Variants in ITPKB observed in about 807,000 individuals in gnomAD.
The protein encoded by ITPKB is inositol-trisphosphate 3-kinase B.
Under a neutral mutation model 69.4 loss-of-function variants are expected in ITPKB, and 13 were observed. The ratio of observed to expected loss-of-function variants is 0.19; its 90% CI spans 0.12 to 0.30. The LOEUF (loss-of-function observed/expected upper bound fraction) is 0.30. Among genes scored for constraint, ITPKB ranks in the 10% least tolerant of loss-of-function variants. The probability of loss-of-function intolerance (pLI) is 1.00; values close to 1 mark genes in which losing one functional copy is unlikely to be tolerated. For synonymous variants in ITPKB, 584 were observed against 513.7 expected (o/e 1.14, Z -1.85); for missense variants, 1,240 against 1,250.5 (o/e 0.99, Z 0.13).
At chr1:226,722,078 G>A (rs1165322026) in intron 2 of ITPKB, among the ~76,000 whole-genome samples, 2 of 152,150 alleles carry the variant, frequency 1.3e-5, no homozygotes, top group African/African-American at 4.8e-5. Context: ...CTCTCAAAGT[G>A]CTGGGGTTAT....
chr1:226,641,795 C>A lies in ITPKB; in HGVS notation c.2451+126G>T. On this transcript the variant is annotated intron_variant, in intron 5 of 7. Transcript: ENST00000429204. The surrounding 1 kb of genome is among the most constrained non-coding windows in gnomAD (Gnocchi z 4.6). Reference sequence around the variant, plus strand: ...TGTCTCCAAATGTCTGGCCTTGGGGCGGGCCACCCACATTCTGAGCCTGTG... The same window carrying A: ...TGTCTCCAAATGTCTGGCCTTGGGGAGGGCCACCCACATTCTGAGCCTGTG... 1.2e-6 allele frequency: 1 copy of A among 857,718 alleles called. No homozygotes were observed. The allele number at this position is 857,718 out of a possible 1,614,324, so 53.1% of individuals were successfully genotyped here.
At chr1:226,693,873 T>C (rs1273303877) in intron 2 of ITPKB, among the ~76,000 whole-genome samples, 9 of 152,244 alleles carry the variant, frequency 5.9e-5, no homozygotes, top group Admixed American at 5.9e-4. Context: ...AAATGATCCA[T>C]GCGGCCCTAC....
rs1173910110 is a variant in ITPKB, at chr1:226,677,804, C to T, written c.1933-29033G>A. Reference sequence around the variant, plus strand: ...GAAAGAGCACCCATTACATACATCACAGGGCGTTCGCCTCCTGTTATAGGC... The same window carrying T: ...GAAAGAGCACCCATTACATACATCATAGGGCGTTCGCCTCCTGTTATAGGC... On this transcript the variant is annotated intron_variant, in intron 2 of 7. Coordinates refer to ENST00000429204, the MANE Select transcript of ITPKB (RefSeq NM_002221.4). 2.0e-5 allele frequency among the ~76,000 whole-genome samples: 3 copies of T among 152,214 alleles called. No homozygotes were observed. In the East Asian group the frequency reaches 5.8e-4, roughly 29 times the overall value.
Position 226,634,834 on chromosome 1 carries a change from A to G in ITPKB, c.2678T>C (p.Val893Ala). ...FIHDKKEQAK[V>A]WMIDFGKTTP... Reference sequence around the variant, plus strand: ...GGTTTTCCCAAAGTCGATCATCCACACTTTGGCCTGTTCCTTCTTGTCGTG... The same window carrying G: ...GGTTTTCCCAAAGTCGATCATCCACGCTTTGGCCTGTTCCTTCTTGTCGTG... Residue 893 changes from valine (V) to alanine (A), a missense_variant, in exon 8 of 8, where the codon GTG becomes GCG. Coordinates refer to ENST00000429204, the MANE Select transcript of ITPKB (RefSeq NM_002221.4). The surrounding 1 kb of genome is among the most constrained non-coding windows in gnomAD (Gnocchi z 6.3). 6.2e-7 allele frequency: 1 copy of G among 1,613,936 alleles called. No homozygotes were observed. The highest frequency in any genetic ancestry group is 8.5e-7 in the Non-Finnish European group (1 of 1,179,850).
chr1:226,640,517 C>T (rs1668936526), intron 5 of ITPKB, among the ~76,000 whole-genome samples: 2 of 152,164 alleles, frequency 1.3e-5, no homozygotes, highest in Admixed American at 6.5e-5. Context: ...AGCCTCTTAG[C>T]TAAGGGCGGG....
At chr1:226,735,388 A>G in intron 2 of ITPKB, 139 bp downstream of exon 2, 1 of 948,002 alleles carries the variant, frequency 1.1e-6, no homozygotes, top group Non-Finnish European at 1.5e-6. Context: ...CCTGGACAGA[A>G]TTATTCACTG....
chr1:226,643,343 G>A (rs1465487441), intron 4 of ITPKB, among the ~76,000 whole-genome samples: 4 of 152,152 alleles, frequency 2.6e-5, no homozygotes, highest in Non-Finnish European at 5.9e-5. Context: ...TCCTTTTAGA[G>A]CCCCAGTCTC....
At chr1:226,648,602 T>C (rs1032762672) in intron 3 of ITPKB, 70 bp downstream of exon 3, 1 of 918,518 alleles carries the variant, frequency 1.1e-6, no homozygotes, top group African/African-American at 1.6e-5. Flanking sequence ...ATCCCCAGAA[T>C]GCAGCGTCCA....
chr1:226,720,509 C>G (rs1657209428), intron 2 of ITPKB, among the ~76,000 whole-genome samples: 1 of 152,194 alleles, frequency 6.6e-6, no homozygotes, highest in Non-Finnish European at 1.5e-5. Flanking sequence ...GGGCTTGGGA[C>G]TAACAATTTA....
chr1:226,683,677 C>G (rs1198956617), intron 2 of ITPKB, among the ~76,000 whole-genome samples: 1 of 152,108 alleles, frequency 6.6e-6, no homozygotes, highest in Non-Finnish European at 1.5e-5. Context: ...AGAGTCCCCC[C>G]GACTTGATGC....
chr1:226,669,380 A>T (rs1669568208), intron 2 of ITPKB, among the ~76,000 whole-genome samples: 1 of 152,036 alleles, frequency 6.6e-6, no homozygotes, highest in Non-Finnish European at 1.5e-5. Flanking sequence ...CTGGGCAACA[A>T]GAGCGAAACT....
chr1:226,669,375 C>G (rs1012086821), intron 2 of ITPKB, among the ~76,000 whole-genome samples: 4 of 149,114 alleles, frequency 2.7e-5, no homozygotes, highest in African/African-American at 9.9e-5. Flanking sequence ...CTAGCCTGGG[C>G]AACAAGAGCG....
At chr1:226,667,764 A>C (rs924984630) in intron 2 of ITPKB, among the ~76,000 whole-genome samples, 3 of 152,206 alleles carry the variant, frequency 2.0e-5, no homozygotes, top group African/African-American at 7.2e-5. Flanking sequence ...GAAAAAATTA[A>C]AAATTAAGGA....
At chr1:226,646,146 C>T (rs1164995544) in intron 4 of ITPKB, among the ~76,000 whole-genome samples, 2 of 152,210 alleles carry the variant, frequency 1.3e-5, no homozygotes, top group Admixed American at 6.5e-5. Context: ...TCTGAGTCTC[C>T]GTGCCTGGCC....
chr1:226,668,144 C>T (rs1407008255), intron 2 of ITPKB, among the ~76,000 whole-genome samples: 1 of 152,204 alleles, frequency 6.6e-6, no homozygotes, highest in Non-Finnish European at 1.5e-5. Context: ...ACACCTCCCC[C>T]AACAACCTTT....
chr1:226,722,489 T>C (rs1657272743), intron 2 of ITPKB, among the ~76,000 whole-genome samples: 1 of 152,206 alleles, frequency 6.6e-6, no homozygotes, highest in Admixed American at 6.5e-5. Context: ...TGATTTTTAA[T>C]GTACAGTGTA....
chr1:226,713,017 G>A (rs1303913387), intron 2 of ITPKB, among the ~76,000 whole-genome samples: 1 of 152,010 alleles, frequency 6.6e-6, no homozygotes, highest in Admixed American at 6.5e-5. Context: ...ATGCATGCAT[G>A]CACGTAAACA....
chr1:226,721,916 C>T (rs1224771047), intron 2 of ITPKB, among the ~76,000 whole-genome samples: 1 of 151,614 alleles, frequency 6.6e-6, no homozygotes, highest in Non-Finnish European at 1.5e-5. Flanking sequence ...CGGGTTCAAG[C>T]GATTCTCCTG....
At chr1:226,681,081 C>T (rs1656082549) in intron 2 of ITPKB, among the ~76,000 whole-genome samples, 1 of 152,194 alleles carries the variant, frequency 6.6e-6, no homozygotes, top group Admixed American at 6.5e-5. Flanking sequence ...TCCTTGATAG[C>T]CTTTCAGCTG....
Sources: gnomAD v4.1 joint callset for allele counts (sites outside exome capture counted in the v4.1 genomes callset) on GRCh38, gnomAD v4.1.1 for gene constraint, Gnocchi (gnomAD v3.1) non-coding constraint, MANE v1.5 for transcripts, NCBI Gene and HGNC (gene_info 2026-07-23, HGNC 2026-07-21) for gene names.